The following WWOX variants were observed in gnomAD, a reference collection of about 807,000 sequenced individuals.
The protein encoded by WWOX is WW domain-containing oxidoreductase.
A neutral mutation model predicts 46.2 loss-of-function variants in WWOX; 69 were observed. The ratio of observed to expected loss-of-function variants is 1.49; its 90% confidence interval spans 1.23 to 1.82. The LOEUF (loss-of-function observed/expected upper bound fraction) is 1.82. Ranked by LOEUF, WWOX falls within the 40% of genes most tolerant of loss-of-function variation. The pLI, the probability that WWOX is intolerant of heterozygous loss-of-function variation, is 0.00. For synonymous variants in WWOX, 359 were observed against 202.6 expected, an observed-to-expected ratio of 1.77 and a Z score of -6.56; for missense variants, 919 against 542.6, an observed-to-expected ratio of 1.69 and a Z score of -6.89.
intron 5 of WWOX, among the ~76,000 whole-genome samples, chr16:78,314,713 TTTTTTTTTC>T (rs2080325979): frequency 7.2e-6 from 1 of 139,256 alleles, no homozygotes; most frequent in East Asian, 2.1e-4. Flanking sequence ...TTTTTTTTTT[TTTTTTTTTC>T]TGTATTTTCA....
At chr16:78,779,518 G>C (rs1037254186) in intron 8 of WWOX, among the ~76,000 whole-genome samples, 1 of 152,148 alleles carries the variant, frequency 6.6e-6, no homozygotes, top group Admixed American at 6.5e-5. Context: ...GACATTATTA[G>C]TTGCTCACTC....
In WWOX at chr16:78,424,703, A is replaced by G. The variant is rs547601837; in HGVS notation, c.606-167A>G. On this transcript the variant is annotated intron_variant, in intron 6 of 8. Coordinates refer to ENST00000566780, the MANE Select transcript of WWOX (RefSeq NM_016373.4). ...ACATTCTAGGGTATCCTATTTCTACATGGTGGGAATCTAGAAGACGGAGAA... is the reference window on the plus strand; with the variant it reads ...ACATTCTAGGGTATCCTATTTCTACGTGGTGGGAATCTAGAAGACGGAGAA... 2.6e-5 allele frequency among the ~76,000 whole-genome samples: 4 copies of G among 152,304 alleles called. No homozygotes were observed. In the South Asian group the frequency reaches 8.3e-4, roughly 32 times the overall value.
At chr16:78,382,222 G>A (rs72796072) in intron 5 of WWOX, among the ~76,000 whole-genome samples, 9,829 of 152,188 alleles carry the variant, frequency 0.065, 396 homozygotes, top group South Asian at 0.17. Flanking sequence ...CACATAGCAC[G>A]TTGCACCTTC....
intron 8 of WWOX, among the ~76,000 whole-genome samples, chr16:79,093,501 TC>T (rs2049006319): frequency 6.6e-6 from 1 of 152,124 alleles, no homozygotes; most frequent in Non-Finnish European, 1.5e-5. Flanking sequence ...GATTTTTTTT[TC>T]TTTTATTAAA....
intron 5 of WWOX, among the ~76,000 whole-genome samples, chr16:78,232,878 T>C (rs571862045): frequency 3.9e-5 from 6 of 152,108 alleles, no homozygotes; most frequent in African/African-American, 1.4e-4. Context: ...AGTCTCGCTC[T>C]GTCACCGGGC....
At chr16:79,139,644 G>A (rs188198205) in intron 8 of WWOX, among the ~76,000 whole-genome samples, 1 of 151,756 alleles carries the variant, frequency 6.6e-6, no homozygotes, top group East Asian at 1.9e-4. Flanking sequence ...AAGAAAAGCA[G>A]GCCGATCTTG....
intron 8 of WWOX, among the ~76,000 whole-genome samples, chr16:79,070,756 C>G (rs1300278984): frequency 6.6e-6 from 1 of 152,196 alleles, no homozygotes; most frequent in African/African-American, 2.4e-5. Context: ...ATGGAAAGGC[C>G]TCTTTTAACA....
At chr16:78,878,312 T>G (rs1046552932) in intron 8 of WWOX, among the ~76,000 whole-genome samples, 2 of 152,154 alleles carry the variant, frequency 1.3e-5, no homozygotes, top group African/African-American at 4.8e-5. Flanking sequence ...AGCATGACAT[T>G]GGGAAGTACA....
At chr16:78,311,663 A>G (rs1166886556) in intron 5 of WWOX, among the ~76,000 whole-genome samples, 1 of 152,148 alleles carries the variant, frequency 6.6e-6, no homozygotes, top group Non-Finnish European at 1.5e-5. Flanking sequence ...GCTGTAGGAG[A>G]GATGGGGAGT....
chr16:78,911,248 A>G (rs2045103502), intron 8 of WWOX, among the ~76,000 whole-genome samples: 1 of 151,978 alleles, frequency 6.6e-6, no homozygotes, highest in African/African-American at 2.4e-5. Context: ...GGTGATTTCC[A>G]TTCAAATCTG....
At chr16:79,082,259 G>C (rs2150583749) in intron 8 of WWOX, among the ~76,000 whole-genome samples, 1 of 152,306 alleles carries the variant, frequency 6.6e-6, no homozygotes, top group Non-Finnish European at 1.5e-5. Context: ...AGGCAGAGGA[G>C]AACAGGAAAG....
chr16:78,707,032 A>G (rs567052058), intron 8 of WWOX, among the ~76,000 whole-genome samples: 86 of 152,340 alleles, frequency 5.6e-4, no homozygotes, highest in African/African-American at 2.0e-3. Context: ...CATGTAAACC[A>G]TGGAATATTT....
intron 8 of WWOX, among the ~76,000 whole-genome samples, chr16:78,656,024 A>G (rs1044242376): frequency 2.0e-5 from 3 of 152,162 alleles, no homozygotes; most frequent in African/African-American, 4.8e-5. Flanking sequence ...TCTAGGGTGA[A>G]TACCAAAGGT....
At chr16:78,417,040 G>GGGGGGTGTGTGTGTGT (rs58277331) in intron 6 of WWOX, among the ~76,000 whole-genome samples, 3 of 151,264 alleles carry the variant, frequency 2.0e-5, no homozygotes, top group African/African-American at 7.3e-5. Flanking sequence ...ACCCTTTGGG[G>GGGGGGTGTGTGTGTGT]GTGTGTGTGT....
chr16:78,853,376 C>G (rs1480678759), intron 8 of WWOX, among the ~76,000 whole-genome samples: 1 of 152,092 alleles, frequency 6.6e-6, no homozygotes, highest in Non-Finnish European at 1.5e-5. Context: ...CGAAGCCCGA[C>G]TGATTTTTGT....
At chr16:78,227,120 C>T (rs2037086512) in intron 5 of WWOX, among the ~76,000 whole-genome samples, 1 of 152,216 alleles carries the variant, frequency 6.6e-6, no homozygotes, top group African/African-American at 2.4e-5. Flanking sequence ...GCCACGCGGG[C>T]TCGCAATATT....
intron 6 of WWOX, among the ~76,000 whole-genome samples, chr16:78,391,405 C>T (rs575349629): frequency 6.6e-6 from 1 of 152,252 alleles, no homozygotes; most frequent in African/African-American, 2.4e-5. Context: ...GTGCAGAGAG[C>T]CTAAGACACT....
At chr16:78,756,746 C>T (rs1177011354) in intron 8 of WWOX, among the ~76,000 whole-genome samples, 1 of 152,040 alleles carries the variant, frequency 6.6e-6, no homozygotes, top group African/African-American at 2.4e-5. Flanking sequence ...AGAATCAAAC[C>T]TAAGTTGGGG....
chr16:78,277,898 C>T (rs568571867), intron 5 of WWOX, among the ~76,000 whole-genome samples: 17 of 152,186 alleles, frequency 1.1e-4, no homozygotes, highest in Non-Finnish European at 2.1e-4. Context: ...CCTTTGCTAA[C>T]ACCGTGGAAA....
Sources: gnomAD v4.1 joint callset for allele counts (sites outside exome capture counted in the v4.1 genomes callset) on GRCh38, gnomAD v4.1.1 for gene constraint, MANE v1.5 for transcripts, NCBI Gene and HGNC (gene_info 2026-07-23, HGNC 2026-07-21) for gene names.